Variants in TRPC5OS observed in about 807,000 individuals in gnomAD.
TRPC5OS encodes the protein putative uncharacterized protein TRPC5OS.
For synonymous variants in TRPC5OS, 30 were observed against 29.3 expected (o/e 1.02, Z -0.08); for missense variants, 64 against 79.3 (o/e 0.81, Z 0.73).
At chrX:111,892,439 A>T (rs1924849750) in intron 1 of TRPC5OS, among the ~76,000 whole-genome samples, 1 of 112,096 alleles carries the variant, frequency 8.9e-6, no homozygotes, top group East Asian at 2.8e-4. Context: ...TACGAGGTGG[A>T]GGGCATTCTC....
At chrX:111,886,665 C>G (rs1924512211) in intron 1 of TRPC5OS, among the ~76,000 whole-genome samples, 1 of 111,390 alleles carries the variant, frequency 9.0e-6, no homozygotes, top group African/African-American at 3.3e-5. Context: ...TGGATATACC[C>G]CTGGTATAAT....
chrX:111,878,485 G>T (rs1017841588), intron 1 of TRPC5OS, among the ~76,000 whole-genome samples: 1 of 111,723 alleles, frequency 9.0e-6, no homozygotes, highest in African/African-American at 3.3e-5. Context: ...CTGGTTGTTA[G>T]GATGGAAAGA....
At chrX:111,878,234 A>G (rs1166581564) in intron 1 of TRPC5OS, among the ~76,000 whole-genome samples, 1 of 111,003 alleles carries the variant, frequency 9.0e-6, no homozygotes, top group Non-Finnish European at 1.9e-5. Context: ...AAATACAATT[A>G]TGTCAATTAA....
chrX:111,894,702 G>A (rs1924971983), intron 1 of TRPC5OS, among the ~76,000 whole-genome samples: 1 of 108,834 alleles, frequency 9.2e-6, no homozygotes, highest in Admixed American at 9.7e-5. Context: ...GTTTTTATAG[G>A]ATGTAGGCCT....
intron 1 of TRPC5OS, among the ~76,000 whole-genome samples, chrX:111,893,100 T>A (rs1924886073): frequency 9.7e-6 from 1 of 103,259 alleles, no homozygotes; most frequent in African/African-American, 3.7e-5. Context: ...TTTTTTCGGA[T>A]ACCAGATCCT....
chrX:111,893,117 A>G (rs1569527548), intron 1 of TRPC5OS, among the ~76,000 whole-genome samples: 3 of 100,644 alleles, frequency 3.0e-5, no homozygotes, highest in Admixed American at 2.2e-4. Flanking sequence ...TCCTATTCTT[A>G]TAACCACTAG....
intron 1 of TRPC5OS, among the ~76,000 whole-genome samples, chrX:111,892,027 C>G: frequency 8.9e-6 from 1 of 111,793 alleles, no homozygotes; most frequent in East Asian, 2.8e-4. Flanking sequence ...CATTTGCAGG[C>G]AGAGGGAAGC....
At chrX:111,901,389 C>T (rs1177697474) in intron 3 of TRPC5OS, among the ~76,000 whole-genome samples, 151 bp from the exon 4 acceptor site, 1 of 111,799 alleles carries the variant, frequency 8.9e-6, no homozygotes, top group Non-Finnish European at 1.9e-5. Flanking sequence ...AGTAGAGCCT[C>T]ACAAGGCCAG....
At chrX:111,891,228 A>G (rs1390104521) in intron 1 of TRPC5OS, among the ~76,000 whole-genome samples, 1 of 112,081 alleles carries the variant, frequency 8.9e-6, no homozygotes, top group African/African-American at 3.2e-5. Flanking sequence ...TTGGGTATAT[A>G]CCTAGTAATG....
intron 1 of TRPC5OS, among the ~76,000 whole-genome samples, chrX:111,895,651 C>G (rs1332981152): frequency 9.1e-6 from 1 of 110,364 alleles, no homozygotes; most frequent in Non-Finnish European, 1.9e-5. Flanking sequence ...TGATTCATTT[C>G]AAATCATTAT....
At chrX:111,889,687 A>G (rs983809414) in intron 1 of TRPC5OS, among the ~76,000 whole-genome samples, 1 of 111,860 alleles carries the variant, frequency 8.9e-6, no homozygotes, top group Non-Finnish European at 1.9e-5. Flanking sequence ...AAGGAAGTTC[A>G]TGGCCAAGGG....
chrX:111,891,587 C>G (rs1420997995), intron 1 of TRPC5OS, among the ~76,000 whole-genome samples: 1 of 111,457 alleles, frequency 9.0e-6, no homozygotes, highest in Non-Finnish European at 1.9e-5. Context: ...GTCGCCCAGG[C>G]TGGAGTGCAA....
At position 111,902,325 on chromosome X, in the gene TRPC5OS, A is replaced by G; in HGVS notation, c.*140A>G. On this transcript the variant is annotated 3_prime_UTR_variant, in exon 4 of 4. Coordinates refer to ENST00000635763, the MANE Select transcript of TRPC5OS (RefSeq NM_001195578.2). ...TTCATTACTAATAACCCATATAACA[A>G]GTGAGATTTGATTTACTTCTAGCAA... The G allele has an allele frequency of 7.5e-6, 3 of 400,157 alleles. No homozygotes were observed. Among genetic ancestry groups the G allele is most frequent in the Non-Finnish European group, 8.1e-6 (2 of 246,857 alleles). 33.0% of individuals were successfully genotyped at this position (400,157 alleles called of 1,213,427 possible). A position where few individuals can be genotyped will look rare whatever the true frequency, so the allele number is the denominator to read the frequency against.
chrX:111,876,110 G>A (rs1293865942), upstream of TRPC5OS: 1 of 110,919 alleles, frequency 9.0e-6, no homozygotes, highest in East Asian at 2.8e-4. Flanking sequence ...GGTTTCTGAA[G>A]AGGTGGGAGC....
chrX:111,884,006 A>G (rs2148601610), intron 1 of TRPC5OS, among the ~76,000 whole-genome samples: 1 of 112,605 alleles, frequency 8.9e-6, no homozygotes, highest in East Asian at 2.8e-4. Context: ...ACTAGATTAG[A>G]CTTTGTTAGA....
chrX:111,888,070 T>A (rs990468352), intron 1 of TRPC5OS, among the ~76,000 whole-genome samples: 2 of 110,920 alleles, frequency 1.8e-5, no homozygotes, highest in Non-Finnish European at 3.8e-5. Context: ...AGCAAAGAGA[T>A]TGAAGAAGGT....
intron 1 of TRPC5OS, among the ~76,000 whole-genome samples, chrX:111,888,523 A>C (rs1186468528): frequency 1.9e-5 from 2 of 104,281 alleles, no homozygotes; most frequent in African/African-American, 7.0e-5. Flanking sequence ...AAAAAAAAAA[A>C]AGAAAGAAAA....
At position 111,902,379 on chromosome X, in the gene TRPC5OS, A is replaced by G; in HGVS notation, c.*194A>G. 1 of 317,411 alleles carries G rather than the reference A, an allele frequency of 3.2e-6. No individual in the cohort carries two copies. The highest frequency in any genetic ancestry group is 5.4e-6 in the Non-Finnish European group (1 of 185,509). 26.2% of individuals were successfully genotyped at this position (317,411 alleles called of 1,213,427 possible). A position where few individuals can be genotyped will look rare whatever the true frequency, so the allele number is the denominator to read the frequency against. ...CTGGTCTTTTTTCATCTTTGTTGTT[A>G]TTCAGAAAGTTCTGTCTTTTGCCAT... On this transcript the variant is annotated 3_prime_UTR_variant, in exon 4 of 4. Transcript: ENST00000635763.
chrX:111,880,855 T>TTA (rs1161035012), intron 1 of TRPC5OS, among the ~76,000 whole-genome samples: 1 of 112,297 alleles, frequency 8.9e-6, no homozygotes, highest in Non-Finnish European at 1.9e-5. Context: ...TGTTGGGTCA[T>TTA]TAACCAAGTA....
Sources: gnomAD v4.1 joint callset for allele counts (sites outside exome capture counted in the v4.1 genomes callset) on GRCh38, gnomAD v4.1.1 for gene constraint, MANE v1.5 for transcripts, NCBI Gene and HGNC (gene_info 2026-07-23, HGNC 2026-07-21) for gene names.